The following SPTLC3 variants were observed in gnomAD, a reference collection of about 807,000 sequenced individuals.
SPTLC3 encodes the protein serine palmitoyltransferase 3.
Under a neutral mutation model 59.3 loss-of-function variants are expected in SPTLC3, and 36 were observed. The ratio of observed to expected loss-of-function variants is 0.61; its 90% confidence interval spans 0.47 to 0.80. The LOEUF is 0.80. SPTLC3 is among the 30% of genes least tolerant of loss of function. SPTLC3 has a pLI of 0.00. For missense variants in SPTLC3, 625 were observed against 685.1 expected, an observed-to-expected ratio of 0.91 and a Z score of 0.98; for synonymous variants, 257 against 240.8, an observed-to-expected ratio of 1.07 and a Z score of -0.62.
intron 9 of SPTLC3, among the ~76,000 whole-genome samples, chr20:13,129,190 C>T (rs894177955): frequency 3.9e-5 from 6 of 152,056 alleles, no homozygotes; most frequent in South Asian, 2.1e-4. Context: ...GTAGTCGAGA[C>T]GGGGTTTCAC....
intron 1 of SPTLC3, among the ~76,000 whole-genome samples, chr20:13,019,527 T>C (rs1985750859): frequency 6.6e-6 from 1 of 152,178 alleles, no homozygotes; most frequent in Non-Finnish European, 1.5e-5. Flanking sequence ...CTTTCCTGAG[T>C]TGATATATTA....
At chr20:13,164,224 C>A (rs2038952516) in intron 11 of SPTLC3, 1 of 396,478 alleles carries the variant, frequency 2.5e-6, no homozygotes, top group East Asian at 7.7e-5. Flanking sequence ...AGTTCTCAGT[C>A]CCTGTGAGTT....
intron 1 of SPTLC3, among the ~76,000 whole-genome samples, chr20:13,038,264 G>A (rs1478233448): frequency 6.6e-6 from 1 of 151,882 alleles, no homozygotes; most frequent in Non-Finnish European, 1.5e-5. Context: ...TAAAGAATAG[G>A]CATTAATTCT....
intron 8 of SPTLC3, among the ~76,000 whole-genome samples, chr20:13,125,924 G>A (rs1401044239): frequency 1.3e-5 from 2 of 152,192 alleles, no homozygotes; most frequent in Admixed American, 6.5e-5. Context: ...GACAGTGAGA[G>A]AATTACAGCT....
Position 13,154,137 on chromosome 20 carries a change from G to A in SPTLC3, c.1414G>A (p.Ala472Thr), listed in dbSNP as rs903749035. 2.5e-6 allele frequency: 4 copies of A among 1,614,010 alleles called. No individual in the cohort carries two copies. Among genetic ancestry groups the A allele is most frequent in the South Asian group, 2.2e-5 (2 of 91,064 alleles). The change falls in exon 10 of 12, where the codon GCG becomes ACG. Residue 472 changes from alanine (A) to threonine (T), a missense_variant and splice_region_variant. Coordinates refer to ENST00000399002, the MANE Select transcript of SPTLC3 (RefSeq NM_018327.4). ...PLLLYMPGKV[A>T]AFARHMLEKK... ...GCTTCTTTATATGCCTGGTAAAGTA[G>A]CGTAAGTATCCAAGGCATCTCATAA...
chr20:13,148,093 T>A (rs905189416), intron 9 of SPTLC3, among the ~76,000 whole-genome samples: 1 of 152,214 alleles, frequency 6.6e-6, no homozygotes, highest in Non-Finnish European at 1.5e-5. Context: ...GACAGGTCAT[T>A]CTGGTAGTTT....
At chr20:13,019,132 A>G (rs1985729949) in intron 1 of SPTLC3, among the ~76,000 whole-genome samples, 1 of 152,164 alleles carries the variant, frequency 6.6e-6, no homozygotes. Context: ...GGCCTTGTGT[A>G]GGACAGTAGG....
intron 1 of SPTLC3, among the ~76,000 whole-genome samples, chr20:13,037,341 A>G (rs1322919980): frequency 6.6e-6 from 1 of 152,166 alleles, no homozygotes; most frequent in African/African-American, 2.4e-5. Context: ...CTTCAACTGA[A>G]CATCAAGGTT....
chr20:13,041,188 C>T (rs1374457018), intron 1 of SPTLC3, among the ~76,000 whole-genome samples: 1 of 152,098 alleles, frequency 6.6e-6, no homozygotes, highest in Non-Finnish European at 1.5e-5. Context: ...TTTTTCTCTC[C>T]TCTCTTTCTA....
chr20:13,012,912 A>G (rs2122355611), intron 1 of SPTLC3, among the ~76,000 whole-genome samples: 1 of 152,318 alleles, frequency 6.6e-6, no homozygotes, highest in Admixed American at 6.5e-5. Flanking sequence ...ATTGCAGAAA[A>G]AATAGGGAGC....
intron 1 of SPTLC3, among the ~76,000 whole-genome samples, chr20:13,029,673 A>G (rs772476548): frequency 5.3e-5 from 8 of 152,212 alleles, no homozygotes; most frequent in Non-Finnish European, 1.0e-4. Context: ...AAAGGCTTTC[A>G]TGAAAAGTAA....
intron 4 of SPTLC3, among the ~76,000 whole-genome samples, chr20:13,076,026 T>C (rs1468670951): frequency 6.6e-6 from 1 of 152,208 alleles, no homozygotes; most frequent in Non-Finnish European, 1.5e-5. Context: ...CAGCCCAAGT[T>C]CTTTCTCCTT....
intron 2 of SPTLC3, among the ~76,000 whole-genome samples, chr20:13,064,031 C>A (rs1184780516): frequency 7.0e-6 from 1 of 143,166 alleles, no homozygotes; most frequent in Non-Finnish European, 1.5e-5. Context: ...TTTTCTTTTT[C>A]TTTTTCTTCT....
rs2038966189 is a variant in SPTLC3 at position 13,164,996 on chromosome 20, C to T, written c.*129C>T. On this transcript the variant is annotated 3_prime_UTR_variant, in exon 12 of 12. Coordinates refer to ENST00000399002, the MANE Select transcript of SPTLC3 (RefSeq NM_018327.4). ...TGGTTCCCAGACCAGCTTGATTGAA[C>T]TGAGGGAGACGTTGTTGTTTTTAAT... is the stretch of plus-strand genomic sequence containing the variant. 1 of 661,352 alleles carries T rather than the reference C, an allele frequency of 1.5e-6. No homozygotes were observed. Among genetic ancestry groups the T allele is most frequent in the Admixed American group, 3.0e-5 (1 of 33,108 alleles). The allele number at this position is 661,352 out of a possible 1,614,324, so 41.0% of individuals were successfully genotyped here.
chr20:13,134,830 C>T (rs2038206354), intron 9 of SPTLC3, among the ~76,000 whole-genome samples: 1 of 152,172 alleles, frequency 6.6e-6, no homozygotes, highest in African/African-American at 2.4e-5. Context: ...AAGAGAAAAG[C>T]ATGAAATGTG....
At chr20:13,088,302 G>GT (rs1216621236) in intron 4 of SPTLC3, among the ~76,000 whole-genome samples, 18 of 152,012 alleles carry the variant, frequency 1.2e-4, no homozygotes, top group Non-Finnish European at 1.8e-4. Flanking sequence ...TAGAACACTT[G>GT]TTTTTTGTTG....
chr20:13,154,209 C>A (rs574507695), intron 10 of SPTLC3, 71 bp downstream of exon 10: 2 of 1,580,734 alleles, frequency 1.3e-6, no homozygotes, highest in South Asian at 2.3e-5. Context: ...TTGGCACAGG[C>A]GTTAGATTAT....
At position 13,166,979 on chromosome 20, in the gene SPTLC3, T is replaced by A. The variant is rs2038992027; in HGVS notation, c.*2112T>A. The A allele has an allele frequency of 6.6e-6, 1 of 152,214 alleles. No homozygotes were observed. The highest frequency in any genetic ancestry group is 1.5e-5 in the Non-Finnish European group (1 of 68,042). 9.4% of individuals were successfully genotyped at this position (152,214 alleles called of 1,614,324 possible). On this transcript the variant is annotated 3_prime_UTR_variant, in exon 12 of 12. Coordinates refer to ENST00000399002, the MANE Select transcript of SPTLC3 (RefSeq NM_018327.4). ...AAGATTCAAGAGTACAGGGGCAATT[T>A]ATTACACTGCAATGTACAAAACAAA...
rs1384081823 is a variant in SPTLC3, at chr20:13,166,676, T to C, written c.*1809T>C. 6.6e-6 allele frequency: 1 copy of C among 152,240 alleles called. No individual in the cohort carries two copies. The highest frequency in any genetic ancestry group is 2.4e-5 in the African/African-American group (1 of 41,470). 9.4% of individuals were successfully genotyped at this position (152,240 alleles called of 1,614,324 possible). A position where few individuals can be genotyped will look rare whatever the true frequency, so the allele number is the denominator to read the frequency against. On this transcript the variant is annotated 3_prime_UTR_variant, in exon 12 of 12. Coordinates refer to ENST00000399002, the MANE Select transcript of SPTLC3 (RefSeq NM_018327.4). ...CAAAATGCATAAATGCCTTGCGTTC[T>C]ATAAAGGAAACAGGAGGTCAAAAAG...
Sources: allele counts gnomAD v4.1 joint callset (sites outside exome capture counted in the v4.1 genomes callset), GRCh38; gene constraint gnomAD v4.1.1; transcripts MANE v1.5; gene names NCBI Gene and HGNC (gene_info 2026-07-23, HGNC 2026-07-21).